GRID2: variants seen among roughly 807,000 people sequenced by gnomAD.
GRID2 encodes glutamate ionotropic receptor delta type subunit 2.
Under a neutral mutation model 114.8 loss-of-function variants are expected in GRID2, and 33 were observed. The ratio of observed to expected loss-of-function variants is 0.29; its 90% CI spans 0.22 to 0.38. The LOEUF (loss-of-function observed/expected upper bound fraction) is 0.38. Among genes scored for constraint, GRID2 ranks in the 10% least tolerant of loss-of-function variants. GRID2 has a pLI of 1.00. For missense variants in GRID2, 1,184 were observed against 1,257.7 expected, an observed-to-expected ratio of 0.94 and a Z score of 0.89; for synonymous variants, 505 against 449.9, an observed-to-expected ratio of 1.12 and a Z score of -1.55.
rs1729163186 is a variant in GRID2 at position 93,075,331 on chromosome 4, A to T, written c.245-9664A>T. Among the ~76,000 whole-genome samples the T allele has an allele frequency of 2.0e-5, 3 of 152,200 alleles. 1 individual carries two copies. In the South Asian group the frequency reaches 6.2e-4, roughly 32 times the overall value. ...AATAAAAGGAGACTTTCTCAAACTC[A>T]TAAAGAGCATAGTCCAAAAACCTTC... On this transcript the variant is annotated intron_variant, in intron 2 of 15. Coordinates refer to ENST00000282020, the MANE Select transcript of GRID2 (RefSeq NM_001510.4).
At chr4:92,820,327 G>C (rs777884764) in intron 2 of GRID2, among the ~76,000 whole-genome samples, 3 of 152,096 alleles carry the variant, frequency 2.0e-5, no homozygotes, top group Admixed American at 6.6e-5. Context: ...CTGTGAACTC[G>C]ATGTGAGTAG....
At chr4:92,658,602 T>A (rs1398980657) in intron 2 of GRID2, among the ~76,000 whole-genome samples, 1 of 151,556 alleles carries the variant, frequency 6.6e-6, no homozygotes, top group Non-Finnish European at 1.5e-5. Context: ...ATTTTCTTTT[T>A]TATCTGTACA....
chr4:93,001,008 T>A (rs1303699749), intron 2 of GRID2, among the ~76,000 whole-genome samples: 2 of 151,574 alleles, frequency 1.3e-5, no homozygotes, highest in African/African-American at 4.8e-5. Context: ...ATAAAATAAA[T>A]AGCAGTATTT....
chr4:93,267,334 T>C (rs1293282057), intron 8 of GRID2, among the ~76,000 whole-genome samples: 1 of 152,130 alleles, frequency 6.6e-6, no homozygotes, highest in Non-Finnish European at 1.5e-5. Flanking sequence ...TCAAGTCCAA[T>C]GATGGGCACA....
At chr4:92,859,990 G>T (rs1578328398) in intron 2 of GRID2, among the ~76,000 whole-genome samples, 1 of 152,274 alleles carries the variant, frequency 6.6e-6, no homozygotes, top group African/African-American at 2.4e-5. Context: ...GGAGGGCAAA[G>T]CTGCCTCTAG....
At chr4:92,875,536 C>T (rs1456568348) in intron 2 of GRID2, among the ~76,000 whole-genome samples, 2 of 151,992 alleles carry the variant, frequency 1.3e-5, no homozygotes, top group African/African-American at 4.8e-5. Context: ...TAGGAGTGAA[C>T]ATCTGGAAAT....
intron 4 of GRID2, among the ~76,000 whole-genome samples, chr4:93,120,868 G>A (rs898006062): frequency 4.5e-4 from 68 of 152,228 alleles, no homozygotes; most frequent in Admixed American, 4.4e-3. Flanking sequence ...CAAGAGAATG[G>A]TGTGAACCCG....
At chr4:93,202,010 A>G (rs371896504) in intron 4 of GRID2, among the ~76,000 whole-genome samples, 4 of 152,006 alleles carry the variant, frequency 2.6e-5, no homozygotes, top group Admixed American at 2.0e-4. Context: ...TTACATTGCT[A>G]TATTTCAAAG....
chr4:93,176,729 T>A (rs755881401), intron 4 of GRID2, among the ~76,000 whole-genome samples: 28 of 152,330 alleles, frequency 1.8e-4, no homozygotes, highest in African/African-American at 2.4e-4. Context: ...TGTGCTTTTT[T>A]AAATTATTTT....
At chr4:92,717,460 T>C (rs1470904252) in intron 2 of GRID2, among the ~76,000 whole-genome samples, 1 of 152,060 alleles carries the variant, frequency 6.6e-6, no homozygotes, top group East Asian at 1.9e-4. Context: ...GTCAAGAAAA[T>C]GATGTTTGAC....
chr4:92,984,314 C>T (rs1754380197), intron 2 of GRID2, among the ~76,000 whole-genome samples: 1 of 152,230 alleles, frequency 6.6e-6, no homozygotes, highest in Non-Finnish European at 1.5e-5. Flanking sequence ...AAGCCTGTCA[C>T]TAACGTGACC....
chr4:93,291,767 GTTTTCTT>G lies in GRID2; in HGVS notation c.1245+53296_1245+53302del, dbSNP rs199775270. 4.0e-4 allele frequency among the ~76,000 whole-genome samples: 61 copies of G among 151,892 alleles called. No individual in the cohort carries two copies. The East Asian group carries it at 9.7e-3, about 24-fold the overall frequency. ...TAAATTTGTTTATGTGTGTGCACGT[GTTTTCTT>G]TTTTCTTTTTTCTTTTTTAATTGAC... On this transcript the variant is annotated intron_variant, in intron 8 of 15. Transcript: ENST00000282020.
chr4:93,025,402 G>A (rs1017694547), intron 2 of GRID2, among the ~76,000 whole-genome samples: 3 of 151,636 alleles, frequency 2.0e-5, no homozygotes, highest in South Asian at 2.1e-4. Flanking sequence ...AGTAAGATTA[G>A]CCAGTAATGT....
At chr4:93,316,338 A>AGG in intron 8 of GRID2, among the ~76,000 whole-genome samples, 21 of 57,630 alleles carry the variant, frequency 3.6e-4, no homozygotes, top group African/African-American at 1.3e-3. Context: ...GAAAGAAAGA[A>AGG]AGAAGGAAGG....
intron 2 of GRID2, among the ~76,000 whole-genome samples, chr4:93,033,637 C>A (rs904334166): frequency 6.6e-6 from 1 of 152,104 alleles, no homozygotes; most frequent in African/African-American, 2.4e-5. Flanking sequence ...AACACAGACC[C>A]TGAATATTAT....
chr4:93,148,675 C>A (rs1311850004), intron 4 of GRID2, among the ~76,000 whole-genome samples: 1 of 151,940 alleles, frequency 6.6e-6, no homozygotes, highest in Admixed American at 6.6e-5. Context: ...TATAAATAGG[C>A]TAGTTTTATT....
At chr4:93,367,251 G>A (rs1329564764) in intron 8 of GRID2, among the ~76,000 whole-genome samples, 1 of 145,234 alleles carries the variant, frequency 6.9e-6, no homozygotes, top group African/African-American at 2.5e-5. Context: ...CAGATATTTG[G>A]AGGAGGTGTA....
intron 1 of GRID2, among the ~76,000 whole-genome samples, chr4:92,461,774 A>T (rs1468075369): frequency 6.6e-6 from 1 of 151,884 alleles, no homozygotes; most frequent in Non-Finnish European, 1.5e-5. Flanking sequence ...ATCTTTTTTA[A>T]TATATTAGAA....
At chr4:92,573,292 T>C (rs898027445) in intron 1 of GRID2, among the ~76,000 whole-genome samples, 5 of 152,014 alleles carry the variant, frequency 3.3e-5, no homozygotes, top group African/African-American at 1.2e-4. Context: ...TTTCGAAGGG[T>C]TTTTCATGTC....
Sources: gnomAD v4.1 joint callset for allele counts (sites outside exome capture counted in the v4.1 genomes callset) on GRCh38, gnomAD v4.1.1 for gene constraint, MANE v1.5 for transcripts, NCBI Gene and HGNC (gene_info 2026-07-23, HGNC 2026-07-21) for gene names.